The following FAIM variants were observed in gnomAD, a reference collection of about 807,000 sequenced individuals.
The protein encoded by FAIM is fas apoptotic inhibitory molecule 1.
Under a neutral mutation model 21.2 loss-of-function variants are expected in FAIM, and 14 were observed. That is an observed-to-expected ratio of 0.66 (90% confidence interval 0.44 to 1.03). FAIM has a LOEUF of 1.03. Ranked by LOEUF, FAIM falls within the 50% of genes least tolerant of loss-of-function variation. The pLI, the probability that FAIM is intolerant of heterozygous loss-of-function variation, is 0.00. For synonymous variants in FAIM, 86 were observed against 80.4 expected (o/e 1.07, Z -0.37); for missense variants, 222 against 247.1 (o/e 0.90, Z 0.68).
intron 1 of FAIM, among the ~76,000 whole-genome samples, chr3:138,612,097 T>A (rs1325789084): frequency 4.4e-5 from 1 of 22,648 alleles, no homozygotes; most frequent in Non-Finnish European, 8.2e-5. Flanking sequence ...TGTCTGGCTA[T>A]TTTTTTTTTT....
rs990754079 is a variant in FAIM, at chr3:138,619,838, A to G, written c.44+68A>G. The stretch of plus-strand genomic sequence containing the variant: ...AAGATTGTTATCATTCAAAAGAGTG[A>G]TTTATCCAAGATACTCTGTTAAGAA... On this transcript the variant is annotated intron_variant, in intron 2 of 5. Coordinates refer to ENST00000360570, the MANE Select transcript of FAIM (RefSeq NM_001033031.2). The G allele has an allele frequency of 6.2e-5, 87 of 1,409,270 alleles. 1 individual carries two copies. The highest frequency in any genetic ancestry group is 2.0e-4 in the Middle Eastern group (1 of 4,920). The allele number at this position is 1,409,270 out of a possible 1,614,324, so 87.3% of individuals were successfully genotyped here.
intron 4 of FAIM, among the ~76,000 whole-genome samples, chr3:138,624,725 ATTAC>A (rs1291603309): frequency 6.6e-6 from 1 of 152,208 alleles, no homozygotes; most frequent in Non-Finnish European, 1.5e-5. Flanking sequence ...TGATGGGCAA[ATTAC>A]TTAACCTCTG....
intron 1 of FAIM, among the ~76,000 whole-genome samples, chr3:138,609,563 T>C (rs1270196510): frequency 3.2e-5 from 3 of 92,626 alleles, no homozygotes; most frequent in Admixed American, 1.3e-4. Context: ...TCTCTCTCTC[T>C]CTCTCTCTCT....
At chr3:138,610,104 T>C (rs2042751856) in intron 1 of FAIM, among the ~76,000 whole-genome samples, 1 of 152,188 alleles carries the variant, frequency 6.6e-6, no homozygotes, top group Non-Finnish European at 1.5e-5. Context: ...CTGGGGGCCT[T>C]TGCTGAAAAG....
intron 4 of FAIM, among the ~76,000 whole-genome samples, chr3:138,623,925 G>C (rs2042914212): frequency 6.6e-6 from 1 of 152,148 alleles, no homozygotes; most frequent in Non-Finnish European, 1.5e-5. Flanking sequence ...GTTCAGTACA[G>C]AGTTTTAATT....
chr3:138,610,859 G>C, intron 1 of FAIM: 1 of 951,914 alleles, frequency 1.1e-6, no homozygotes, highest in Non-Finnish European at 1.7e-6. Context: ...CTGGGATTAC[G>C]GGGTGTGAGC....
chr3:138,621,515 A>C lies in FAIM; in HGVS notation c.153A>C (p.Lys51Asn). ...TTGAACATGGGACTACATCAGGCAA[A>C]CGAGTAGTATATGTAGATGGAAAGG... is the stretch of plus-strand genomic sequence containing the variant. Reference protein sequence around the residue: ...IEFEHGTTSGKRVVYVDGKEE... With the variant: ...IEFEHGTTSGNRVVYVDGKEE... The change falls in exon 3 of 6, where the codon AAA becomes AAC. Residue 51 changes from lysine to asparagine, a missense_variant. Physicochemically the swap from Lys to Asn is moderately conservative, Grantham distance 94. Transcript: ENST00000360570. 6.2e-7 allele frequency: 1 copy of C among 1,613,942 alleles called. No individual in the cohort carries two copies. Among genetic ancestry groups the C allele is most frequent in the Non-Finnish European group, 8.5e-7 (1 of 1,179,900 alleles).
chr3:138,612,124 G>A (rs1272457336), intron 1 of FAIM, among the ~76,000 whole-genome samples: 30 of 130,986 alleles, frequency 2.3e-4, no homozygotes, highest in African/African-American at 7.8e-4. Context: ...TTTTTGAGAC[G>A]GAGTCTCGCT....
Position 138,622,367 on chromosome 3 carries a change from C to A in FAIM, c.357C>A (p.Thr119=). Residue 119 remains threonine, a synonymous_variant, in exon 4 of 6, where the codon ACC becomes ACA. Coordinates refer to ENST00000360570, the MANE Select transcript of FAIM (RefSeq NM_001033031.2). ...KKYMEDRSKT[T]NTWVLHMDGE... ...ATATGGAGGACAGATCAAAAACCAC[C>A]AATACTTGGGTATTACACATGGATG... is the stretch of plus-strand genomic sequence containing the variant. The A allele has an allele frequency of 6.2e-7, 1 of 1,612,294 alleles. No homozygotes were observed. Among genetic ancestry groups the A allele is most frequent in the Non-Finnish European group, 8.5e-7 (1 of 1,179,524 alleles).
intron 4 of FAIM, 110 bp downstream of exon 4, chr3:138,622,526 T>C: frequency 1.4e-6 from 1 of 729,442 alleles, no homozygotes; most frequent in Non-Finnish European, 2.2e-6. Context: ...AGAGGGAGTG[T>C]AAGTGCAGGT....
intron 5 of FAIM, among the ~76,000 whole-genome samples, chr3:138,631,974 T>C (rs2043010216): frequency 6.6e-6 from 1 of 152,062 alleles, no homozygotes; most frequent in Non-Finnish European, 1.5e-5. Context: ...TCTATCTACT[T>C]TGGCTGCCAG....
At chr3:138,616,085 C>A (rs1672928) in intron 1 of FAIM, among the ~76,000 whole-genome samples, 70,456 of 152,026 alleles carry the variant, frequency 0.46, 18,651 homozygotes, top group South Asian at 0.63. Context: ...CCAGGACTGG[C>A]AGTGGAGATG....
At chr3:138,619,500 C>A (rs1323186373) in intron 1 of FAIM, among the ~76,000 whole-genome samples, 1 of 152,194 alleles carries the variant, frequency 6.6e-6, no homozygotes, top group African/African-American at 2.4e-5. Flanking sequence ...AAAAATATGA[C>A]TGACTGATTT....
intron 5 of FAIM, 138 bp downstream of exon 5, chr3:138,629,294 G>T: frequency 1.6e-6 from 1 of 624,528 alleles, no homozygotes; most frequent in East Asian, 3.0e-5. Context: ...AAGTACTCCT[G>T]ACTTCAGATT....
At chr3:138,614,586 C>T (rs1007560077) in intron 1 of FAIM, among the ~76,000 whole-genome samples, 3 of 152,062 alleles carry the variant, frequency 2.0e-5, no homozygotes, top group Non-Finnish European at 4.4e-5. Context: ...GGTACATCTC[C>T]CCTTGAGAAA....
intron 1 of FAIM, 85 bp from the exon 2 acceptor site, chr3:138,619,626 C>T: frequency 8.2e-7 from 1 of 1,218,842 alleles, no homozygotes; most frequent in Non-Finnish European, 1.2e-6. Flanking sequence ...TAGAAAAACC[C>T]TTTGTAGATG....
chr3:138,631,359 G>C (rs962269287), intron 5 of FAIM, among the ~76,000 whole-genome samples: 1 of 152,126 alleles, frequency 6.6e-6, no homozygotes, highest in Non-Finnish European at 1.5e-5. Flanking sequence ...AGGCTGCAAT[G>C]AACTACAGTT....
intron 1 of FAIM, among the ~76,000 whole-genome samples, chr3:138,615,500 G>T (rs2042816855): frequency 6.6e-6 from 1 of 152,204 alleles, no homozygotes; most frequent in African/African-American, 2.4e-5. Flanking sequence ...CAGCTGATGG[G>T]CCAAAGTATC....
chr3:138,611,006 C>T, intron 1 of FAIM: 1 of 1,613,912 alleles, frequency 6.2e-7, no homozygotes, highest in Non-Finnish European at 8.5e-7. Flanking sequence ...CTATAATCAT[C>T]TCTTGGTATC....
Sources: gnomAD v4.1 joint callset for allele counts (sites outside exome capture counted in the v4.1 genomes callset) on GRCh38, gnomAD v4.1.1 for gene constraint, MANE v1.5 for transcripts, NCBI Gene and HGNC (gene_info 2026-07-23, HGNC 2026-07-21) for gene names.